DNER: variants seen among roughly 807,000 people sequenced by gnomAD.
The protein encoded by DNER is delta/notch like EGF repeat containing.
DNER carries 33 observed loss-of-function variants against 78.2 expected under a neutral mutation model. The ratio of observed to expected loss-of-function variants is 0.42; its 90% CI spans 0.32 to 0.56. The LOEUF is 0.56. DNER is among the 20% of genes least tolerant of loss of function. The pLI, the probability that DNER is intolerant of heterozygous loss-of-function variation, is 0.11. For synonymous variants in DNER, 417 were observed against 384.8 expected (o/e 1.08, Z -0.98); for missense variants, 918 against 975.3 (o/e 0.94, Z 0.78).
At chr2:229,432,989 G>A (rs1380358313) in intron 8 of DNER, among the ~76,000 whole-genome samples, 1 of 152,122 alleles carries the variant, frequency 6.6e-6, no homozygotes, top group Admixed American at 6.5e-5. Context: ...GCCCAGGCTG[G>A]AGTGCAAAGG....
intron 11 of DNER, among the ~76,000 whole-genome samples, chr2:229,381,948 T>C (rs1692746925): frequency 6.6e-5 from 10 of 152,204 alleles, no homozygotes; most frequent in Admixed American, 5.2e-4. Flanking sequence ...GGCTGCCTCC[T>C]CAAGTGGGTG....
At chr2:229,696,991 G>A (rs1699672122) in intron 1 of DNER, among the ~76,000 whole-genome samples, 1 of 152,120 alleles carries the variant, frequency 6.6e-6, no homozygotes, top group African/African-American at 2.4e-5. Context: ...ATTCCACTCT[G>A]AAGTATATAA....
intron 1 of DNER, among the ~76,000 whole-genome samples, chr2:229,676,190 G>A (rs573226298): frequency 1.8e-4 from 27 of 152,318 alleles, no homozygotes; most frequent in East Asian, 1.3e-3. Flanking sequence ...TGCCTTACAA[G>A]AGGAGCATCA....
chr2:229,405,188 C>T (rs1170662683), intron 10 of DNER, among the ~76,000 whole-genome samples: 1 of 152,112 alleles, frequency 6.6e-6, no homozygotes, highest in Non-Finnish European at 1.5e-5. Context: ...TACTATAAGT[C>T]TAAGATCTAC....
At chr2:229,683,551 A>C (rs140798112) in intron 1 of DNER, among the ~76,000 whole-genome samples, 6 of 152,330 alleles carry the variant, frequency 3.9e-5, no homozygotes, top group African/African-American at 1.2e-4. Flanking sequence ...AGAACAAGAA[A>C]GGAAAGAAAA....
intron 7 of DNER, among the ~76,000 whole-genome samples, chr2:229,448,409 G>C (rs1043740142): frequency 8.5e-5 from 13 of 152,106 alleles, no homozygotes; most frequent in African/African-American, 3.1e-4. Context: ...AGTCCACTGG[G>C]GTGGATGGAA....
intron 8 of DNER, among the ~76,000 whole-genome samples, chr2:229,422,023 C>G (rs73100266): frequency 0.01 from 1,566 of 152,160 alleles, 31 homozygotes; most frequent in African/African-American, 0.035. Context: ...AGTTATTTTA[C>G]AGAGATAATT....
chr2:229,485,300 A>G (rs143141394), intron 6 of DNER, among the ~76,000 whole-genome samples: 1 of 152,340 alleles, frequency 6.6e-6, no homozygotes, highest in Non-Finnish European at 1.5e-5. Flanking sequence ...TCCCTGACAT[A>G]GGAAGCAAAG....
intron 1 of DNER, among the ~76,000 whole-genome samples, chr2:229,689,915 C>T (rs1221689524): frequency 6.6e-6 from 1 of 152,198 alleles, no homozygotes; most frequent in Non-Finnish European, 1.5e-5. Context: ...CAACCTAGCA[C>T]CCAAGGCTGG....
At chr2:229,436,683 T>C (rs890702517) in intron 8 of DNER, among the ~76,000 whole-genome samples, 2 of 152,292 alleles carry the variant, frequency 1.3e-5, no homozygotes, top group East Asian at 1.9e-4. Flanking sequence ...AAGAATTCCA[T>C]GTCCAGCCAA....
intron 11 of DNER, among the ~76,000 whole-genome samples, chr2:229,367,322 CG>C (rs1214767114): frequency 6.6e-6 from 1 of 152,090 alleles, no homozygotes; most frequent in East Asian, 1.9e-4. Flanking sequence ...AACTACAGGC[CG>C]GGCACAGTGG....
At chr2:229,563,537 A>ATCCTCC (rs1697014745) in intron 4 of DNER, among the ~76,000 whole-genome samples, 1 of 107,436 alleles carries the variant, frequency 9.3e-6, no homozygotes, top group Admixed American at 9.6e-5. Context: ...CATCATCGTC[A>ATCCTCC]TCACCCCATC....
chr2:229,522,555 C>CT (rs1696122570), intron 5 of DNER, among the ~76,000 whole-genome samples: 1 of 152,164 alleles, frequency 6.6e-6, no homozygotes, highest in Non-Finnish European at 1.5e-5. Flanking sequence ...TACCATTCTA[C>CT]TTTCTTATTT....
intron 5 of DNER, among the ~76,000 whole-genome samples, chr2:229,522,836 T>C (rs1437099555): frequency 2.0e-5 from 3 of 152,206 alleles, no homozygotes. Context: ...AGCCCTGCCA[T>C]GTGCCAGGTA....
chr2:229,382,779 A>G (rs1337099524), intron 11 of DNER, among the ~76,000 whole-genome samples: 1 of 152,162 alleles, frequency 6.6e-6, no homozygotes, highest in Non-Finnish European at 1.5e-5. Context: ...GAAAAGACCA[A>G]ACCTGTTTGA....
chr2:229,407,146 T>C, intron 10 of DNER, 86 bp downstream of exon 10: 1 of 1,179,948 alleles, frequency 8.5e-7, no homozygotes, highest in South Asian at 1.4e-5. Flanking sequence ...CAATATTTTA[T>C]TCATGATGGA....
chr2:229,576,700 A>G (rs538943189), intron 4 of DNER, among the ~76,000 whole-genome samples: 23 of 152,294 alleles, frequency 1.5e-4, no homozygotes, highest in African/African-American at 4.8e-4. Context: ...CTGGCTGTCA[A>G]TGTGATTAGC....
intron 4 of DNER, among the ~76,000 whole-genome samples, chr2:229,563,381 ACCCCATCACCAT>A: frequency 8.0e-6 from 1 of 125,328 alleles, no homozygotes; most frequent in South Asian, 2.7e-4. Flanking sequence ...CATCATCCTC[ACCCCATCACCAT>A]CATCATCATC....
intron 1 of DNER, among the ~76,000 whole-genome samples, chr2:229,696,480 T>A (rs1178768553): frequency 6.6e-6 from 1 of 152,200 alleles, no homozygotes; most frequent in Non-Finnish European, 1.5e-5. Flanking sequence ...TGGCCTCAGT[T>A]TCCTCTTCAG....
Sources: gnomAD v4.1 joint callset for allele counts (sites outside exome capture counted in the v4.1 genomes callset) on GRCh38, gnomAD v4.1.1 for gene constraint, MANE v1.5 for transcripts, NCBI Gene and HGNC (gene_info 2026-07-23, HGNC 2026-07-21) for gene names.